CPEB3: variants seen among roughly 807,000 people sequenced by gnomAD.
CPEB3 encodes the protein cytoplasmic polyadenylation element-binding protein 3.
Under a neutral mutation model 67.2 loss-of-function variants are expected in CPEB3, and 20 were observed. The observed-to-expected ratio is 0.30, with a 90% CI of 0.21 to 0.43. CPEB3 has a LOEUF of 0.43. Among genes scored for constraint, CPEB3 ranks in the 20% least tolerant of loss-of-function variants. The pLI is 1.00. For missense variants in CPEB3, 746 were observed against 968.6 expected (o/e 0.77, Z 3.05); for synonymous variants, 376 against 393.1 (o/e 0.96, Z 0.51).
chr10:92,128,390 T>G (rs1040800388), intron 6 of CPEB3, among the ~76,000 whole-genome samples: 1 of 152,202 alleles, frequency 6.6e-6, no homozygotes, highest in African/African-American at 2.4e-5. Flanking sequence ...CTGAGCTGCA[T>G]GTGGCCTGTG....
chr10:92,265,748 CA>C lies in CPEB3; in HGVS notation c.-12+25177del, dbSNP rs71484286. ...GGGCAACAAGAGCAAAACTCCATCT[CA>C]AAAAAAAAAAAGAAAGAAAGAAAAA... On this transcript the variant is annotated intron_variant, in intron 1 of 9. Transcript: ENST00000265997. Among the ~76,000 whole-genome samples, 85 of 108,168 alleles carry C rather than the reference CA, an allele frequency of 7.9e-4. 1 individual carries two copies. Among genetic ancestry groups the C allele is most frequent in the Admixed American group, 1.0e-3 (10 of 9,996 alleles). 71.0% of individuals were successfully genotyped at this position (108,168 alleles called of 152,430 possible).
intron 9 of CPEB3, among the ~76,000 whole-genome samples, chr10:92,057,853 C>T (rs1188596094): frequency 1.3e-5 from 2 of 152,178 alleles, no homozygotes; most frequent in South Asian, 2.1e-4. Flanking sequence ...CAAGGCAGCA[C>T]GTCTATGAGT....
intron 4 of CPEB3, among the ~76,000 whole-genome samples, chr10:92,164,087 TAA>T (rs1168169666): frequency 1.3e-5 from 2 of 152,130 alleles, no homozygotes; most frequent in East Asian, 3.9e-4. Context: ...ATGACGATCA[TAA>T]AGTAAAATAA....
chr10:92,204,836 CTTTTTTTTTT>C (rs750482213), intron 2 of CPEB3, among the ~76,000 whole-genome samples: 1 of 125,060 alleles, frequency 8.0e-6, no homozygotes, highest in Non-Finnish European at 1.7e-5. Context: ...ATCTTAACCA[CTTTTTTTTTT>C]TTTTTTTTTT....
At chr10:92,278,930 A>ATT (rs930787294) in intron 1 of CPEB3, among the ~76,000 whole-genome samples, 2 of 146,234 alleles carry the variant, frequency 1.4e-5, no homozygotes, top group African/African-American at 5.0e-5. Context: ...TGTTTTTATT[A>ATT]TTTTTTTTTT....
chr10:92,203,836 G>A (rs1373680449), intron 2 of CPEB3, among the ~76,000 whole-genome samples: 1 of 152,016 alleles, frequency 6.6e-6, no homozygotes, highest in Non-Finnish European at 1.5e-5. Context: ...AAACCTAAAC[G>A]AGACAGTAGT....
chr10:92,083,911 C>T (rs979119826), intron 8 of CPEB3, among the ~76,000 whole-genome samples: 7 of 152,102 alleles, frequency 4.6e-5, no homozygotes, highest in Admixed American at 1.3e-4. Context: ...TCGCCGGGCA[C>T]GGTGGCTCAC....
intron 1 of CPEB3, among the ~76,000 whole-genome samples, chr10:92,275,069 G>T (rs562438335): frequency 6.6e-6 from 1 of 152,324 alleles, no homozygotes; most frequent in East Asian, 1.9e-4. Flanking sequence ...TTCCCAGGTT[G>T]ATTCTCATGC....
At chr10:92,076,862 G>A (rs1842956759) in intron 9 of CPEB3, among the ~76,000 whole-genome samples, 1 of 151,498 alleles carries the variant, frequency 6.6e-6, no homozygotes, top group African/African-American at 2.4e-5. Flanking sequence ...GAAAGGAGGA[G>A]GAGGAAAGGG....
At chr10:92,197,855 T>G (rs931470719) in intron 2 of CPEB3, among the ~76,000 whole-genome samples, 2 of 152,176 alleles carry the variant, frequency 1.3e-5, no homozygotes, top group Non-Finnish European at 2.9e-5. Flanking sequence ...ACTCCTGTAA[T>G]CCCAGCACTT....
rs1851694475 is a variant in CPEB3, at chr10:92,239,336, A to T, written c.1005+10T>A. 2 of 1,601,258 alleles carry T rather than the reference A, an allele frequency of 1.2e-6. No homozygotes were observed. The highest frequency in any genetic ancestry group is 2.2e-5 in the East Asian group (1 of 44,636). On this transcript the variant is annotated intron_variant, in intron 2 of 9. Coordinates refer to ENST00000265997, the MANE Select transcript of CPEB3 (RefSeq NM_014912.5). The surrounding 1 kb of genome is among the most constrained non-coding windows in gnomAD (Gnocchi z 6.0). ...GAGGGAAGGAGTGTGTAGGTGCAGC[A>T]GAGTATTACCTGAAATGGCAACAGA... is the stretch of plus-strand genomic sequence containing the variant.
chr10:92,068,135 CAT>C (rs942204390), intron 9 of CPEB3, among the ~76,000 whole-genome samples: 1 of 152,112 alleles, frequency 6.6e-6, no homozygotes, highest in Non-Finnish European at 1.5e-5. Flanking sequence ...ATGCCTCTGC[CAT>C]ATGTTTATGG....
At chr10:92,291,152 G>A (rs1184912802), upstream of CPEB3, 1 of 419,088 alleles carries the variant, frequency 2.4e-6, no homozygotes, top group Non-Finnish European at 4.3e-6. Flanking sequence ...GGCGCGCACG[G>A]AGGCGGCGAC....
chr10:92,136,834 T>A (rs1024601374), intron 6 of CPEB3: 9 of 153,552 alleles, frequency 5.9e-5, no homozygotes, highest in African/African-American at 2.2e-4. Flanking sequence ...GCTGGGATTA[T>A]AAGCGTGAGC....
At chr10:92,234,142 G>A (rs1851412908) in intron 2 of CPEB3, among the ~76,000 whole-genome samples, 1 of 150,032 alleles carries the variant, frequency 6.7e-6, no homozygotes, top group South Asian at 2.1e-4. Flanking sequence ...GATAAAGGCA[G>A]AGATACAGAC....
At chr10:92,115,278 C>T (rs1265851050) in intron 6 of CPEB3, among the ~76,000 whole-genome samples, 2 of 152,326 alleles carry the variant, frequency 1.3e-5, no homozygotes, top group East Asian at 3.9e-4. Flanking sequence ...CTCAGCCTCC[C>T]GAGCAGCTGT....
chr10:92,144,797 GACTACCACTTTCTAATCCACCAAAT>G (rs1258344669), intron 5 of CPEB3, 123 bp downstream of exon 5: 1 of 655,986 alleles, frequency 1.5e-6, no homozygotes, highest in Non-Finnish European at 2.6e-6. Context: ...TACAATAATA[GACTACCACTTTCTAATCCACCAAAT>G]AGTCTCACCT....
intron 2 of CPEB3, among the ~76,000 whole-genome samples, chr10:92,234,631 T>C (rs1851438598): frequency 6.6e-6 from 1 of 152,086 alleles, no homozygotes; most frequent in South Asian, 2.1e-4. Context: ...TATTTGTCAA[T>C]ATAACAAGGA....
chr10:92,203,341 T>TG (rs1849607394), intron 2 of CPEB3, among the ~76,000 whole-genome samples: 1 of 146,326 alleles, frequency 6.8e-6, no homozygotes, highest in African/African-American at 2.5e-5. Context: ...AGAGATGATA[T>TG]ATATATATAT....
Sources: gnomAD v4.1 joint callset for allele counts (sites outside exome capture counted in the v4.1 genomes callset) on GRCh38, gnomAD v4.1.1 for gene constraint, Gnocchi (gnomAD v3.1) non-coding constraint, MANE v1.5 for transcripts, NCBI Gene and HGNC (gene_info 2026-07-23, HGNC 2026-07-21) for gene names.